AGMAT: variants seen among roughly 807,000 people sequenced by gnomAD.
AGMAT encodes the protein guanidino acid hydrolase, mitochondrial.
A neutral mutation model predicts 29.3 loss-of-function variants in AGMAT; 37 were observed. That is an observed-to-expected ratio of 1.26 (90% CI 0.97 to 1.66). The LOEUF (loss-of-function observed/expected upper bound fraction) is 1.66. AGMAT is among the 40% of genes most tolerant of loss of function. The pLI, the probability that AGMAT is intolerant of heterozygous loss-of-function variation, is 0.00. For synonymous variants in AGMAT, 199 were observed against 200.8 expected (o/e 0.99, Z 0.08); for missense variants, 498 against 497.8 (o/e 1.00, Z 0.00).
Position 15,584,861 on chromosome 1 carries a change from G to A in AGMAT, c.107C>T (p.Ala36Val). Residue 36 changes from alanine (A) to valine (V), a missense_variant, in exon 1 of 7, where the codon GCT becomes GTT. Coordinates refer to ENST00000375826, the MANE Select transcript of AGMAT (RefSeq NM_024758.5). ...FHPGRRQSRQASDAPRNQPPS... is the reference protein window; with the variant it reads ...FHPGRRQSRQVSDAPRNQPPS... ...GGGCTGGTTCCGGGGCGCGTCGGAA[G>A]CCTGGCGGCTCTGGCGGCGCCCCGG... is the stretch of plus-strand genomic sequence containing the variant. 7.0e-7 allele frequency: 1 copy of A among 1,418,582 alleles called. No individual in the cohort carries two copies. Among genetic ancestry groups the A allele is most frequent in the East Asian group, 2.9e-5 (1 of 34,404 alleles). The allele number at this position is 1,418,582 out of a possible 1,614,324, so 87.9% of individuals were successfully genotyped here. A position where few individuals can be genotyped will look rare whatever the true frequency, so the allele number is the denominator to read the frequency against.
Position 15,584,795 on chromosome 1 carries a change from G to A in AGMAT, c.173C>T (p.Ser58Phe). 7.1e-7 allele frequency: 1 copy of A among 1,398,780 alleles called. No individual in the cohort carries two copies. Among genetic ancestry groups the A allele is most frequent in the Non-Finnish European group, 9.3e-7 (1 of 1,078,456 alleles). 86.6% of individuals were successfully genotyped at this position (1,398,780 alleles called of 1,614,324 possible). The change falls in exon 1 of 7, where the codon TCC becomes TTC. Residue 58 changes from serine (S) to phenylalanine (F), a missense_variant. Ser to Phe is a radical substitution (Grantham distance 155, BLOSUM62 -2). Coordinates refer to ENST00000375826, the MANE Select transcript of AGMAT (RefSeq NM_024758.5). ...EFVARPVGVC[S>F]MMRLPVQTSP... ...GGTCTGCACCGGCAGGCGCATCATG[G>A]AGCAGACGCCCACCGGCCGGGCCAC...
At chr1:15,576,605 CT>C (rs1228810478) in intron 5 of AGMAT, among the ~76,000 whole-genome samples, 10 of 147,226 alleles carry the variant, frequency 6.8e-5, no homozygotes, top group South Asian at 6.5e-4. Flanking sequence ...GATTTTTGTA[CT>C]TTTAGTAGAG....
At position 15,583,400 on chromosome 1, in the gene AGMAT, A is replaced by G. The variant is rs6429758; in HGVS notation, c.273-5T>C. On this transcript the variant is annotated splice_polypyrimidine_tract_variant and splice_region_variant and intron_variant, in intron 1 of 6. Transcript: ENST00000375826. ...CGGATGCGGCGAGGTCCGAATCTGC[A>G]GAAGGAAGAATCATCCTGTCAGCCA... 0.56 allele frequency: 905,394 copies of G among 1,606,492 alleles called. 259,931 individuals are homozygous for G. The highest frequency in any genetic ancestry group is 0.79 in the African/African-American group (59,339 of 74,872).
intron 5 of AGMAT, chr1:15,575,763 T>TTATG (rs1639029813): frequency 6.8e-6 from 1 of 146,852 alleles, no homozygotes; most frequent in Non-Finnish European, 1.5e-5. Context: ...ATTTATTTAT[T>TTATG]TATTTATTTT....
chr1:15,576,972 G>A (rs889355906), intron 5 of AGMAT, among the ~76,000 whole-genome samples: 3 of 149,098 alleles, frequency 2.0e-5, no homozygotes, highest in Non-Finnish European at 3.0e-5. Context: ...AGATGGTCTC[G>A]ATCTCCTGAC....
chr1:15,585,044 G>A lies in AGMAT; in HGVS notation c.-77C>T. 7.9e-7 allele frequency: 1 copy of A among 1,259,198 alleles called. No homozygotes were observed. Among genetic ancestry groups the A allele is most frequent in the Non-Finnish European group, 1.0e-6 (1 of 1,003,340 alleles). 78.0% of individuals were successfully genotyped at this position (1,259,198 alleles called of 1,614,324 possible). On this transcript the variant is annotated 5_prime_UTR_variant, in exon 1 of 7. Coordinates refer to ENST00000375826, the MANE Select transcript of AGMAT (RefSeq NM_024758.5). ...GATCTGGCTGGTCCCGAACGGCGAG[G>A]CGAGTGTGCACGCGCCAGAGCCGGA...
chr1:15,576,649 C>T (rs1176448865), intron 5 of AGMAT, among the ~76,000 whole-genome samples: 4 of 148,178 alleles, frequency 2.7e-5, no homozygotes, highest in South Asian at 4.3e-4. Flanking sequence ...AGGCTGGTCT[C>T]GAACTCCTGA....
chr1:15,576,421 T>G lies in AGMAT; in HGVS notation c.900+1264A>C, dbSNP rs117063211. ...CGCCCGGCCAAGTTTAGTGTTTTTG[T>G]TTGGTTGGTTGGTTGGTTTTTTTTT... On this transcript the variant is annotated intron_variant, in intron 5 of 6. Coordinates refer to ENST00000375826, the MANE Select transcript of AGMAT (RefSeq NM_024758.5). Among the ~76,000 whole-genome samples, 1,287 of 149,836 alleles carry G rather than the reference T, an allele frequency of 8.6e-3. 89 individuals are homozygous for G. The East Asian group carries it at 0.18, about 21-fold the overall frequency.
intron 5 of AGMAT, 41 bp from the exon 6 acceptor site, chr1:15,574,882 T>C (rs1344545289): frequency 5.2e-6 from 8 of 1,546,268 alleles, no homozygotes; most frequent in Non-Finnish European, 7.1e-6. Context: ...GTGGTAATCA[T>C]TTACAGTGAA....
Position 15,580,080 on chromosome 1 carries a change from C to A in AGMAT, c.524+14G>T. 1 of 1,612,972 alleles carries A rather than the reference C, an allele frequency of 6.2e-7. No individual in the cohort carries two copies. Among genetic ancestry groups the A allele is most frequent in the Non-Finnish European group, 8.5e-7 (1 of 1,179,142 alleles). Reference sequence around the variant, plus strand: ...TTTTGAAATCTTGCTGGGCCCAAGCCATTTGAGACTTACTTTTTTGCCATC... The same window carrying A: ...TTTTGAAATCTTGCTGGGCCCAAGCAATTTGAGACTTACTTTTTTGCCATC... On this transcript the variant is annotated intron_variant, in intron 3 of 6. Transcript: ENST00000375826.
At chr1:15,584,340 C>CA (rs1000486626) in intron 1 of AGMAT, among the ~76,000 whole-genome samples, 4 of 150,126 alleles carry the variant, frequency 2.7e-5, no homozygotes, top group African/African-American at 9.9e-5. Flanking sequence ...TTTGTAGAGA[C>CA]AGAGTTTCAC....
At chr1:15,580,669 C>G (rs1259151138) in intron 2 of AGMAT, among the ~76,000 whole-genome samples, 5 of 150,894 alleles carry the variant, frequency 3.3e-5, no homozygotes, top group Non-Finnish European at 7.4e-5. Context: ...CAGAGTAAGA[C>G]ACTATCTCAA....
intron 2 of AGMAT, among the ~76,000 whole-genome samples, chr1:15,582,303 G>T (rs1051461762): frequency 5.9e-5 from 9 of 152,078 alleles, no homozygotes; most frequent in African/African-American, 2.2e-4. Context: ...TGCCATGCTT[G>T]ATGCTGGGCA....
chr1:15,580,201 C>CTTT (rs34166013), intron 2 of AGMAT, 59 bp from the exon 3 acceptor site: 8,530 of 563,210 alleles, frequency 0.015, 60 homozygotes, highest in African/African-American at 0.035. Context: ...ATAGAATAAT[C>CTTT]TTTTTTTTTT....
chr1:15,573,842 A>C (rs918143198), intron 6 of AGMAT, 118 bp from the exon 7 acceptor site: 32 of 873,896 alleles, frequency 3.7e-5, no homozygotes, highest in Middle Eastern at 3.4e-4. Flanking sequence ...TGTCTTGTGC[A>C]CCCCTCTAGG....
chr1:15,580,298 C>T (rs1164827357), intron 2 of AGMAT, among the ~76,000 whole-genome samples, 156 bp from the exon 3 acceptor site: 2 of 150,236 alleles, frequency 1.3e-5, no homozygotes, highest in Admixed American at 1.3e-4. Flanking sequence ...CTCTGCCTCC[C>T]AGGTTCAAGC....
Position 15,580,011 on chromosome 1 carries a change from C to G in AGMAT, c.524+83G>C, listed in dbSNP as rs530158951. 3,394 of 1,331,126 alleles carry G rather than the reference C, an allele frequency of 2.5e-3. 8 individuals carry two copies. The highest frequency in any genetic ancestry group is 3.5e-3 in the Non-Finnish European group (3,200 of 922,470). The allele number at this position is 1,331,126 out of a possible 1,614,324, so 82.5% of individuals were successfully genotyped here. A position where few individuals can be genotyped will look rare whatever the true frequency, so the allele number is the denominator to read the frequency against. Reference sequence around the variant, plus strand: ...CATAACCTGAGCCAGCAGCAGTCACCTAATGCCACCAAACAGCAAATAACT... The same window carrying G: ...CATAACCTGAGCCAGCAGCAGTCACGTAATGCCACCAAACAGCAAATAACT... On this transcript the variant is annotated intron_variant, in intron 3 of 6. Coordinates refer to ENST00000375826, the MANE Select transcript of AGMAT (RefSeq NM_024758.5).
At position 15,584,911 on chromosome 1, in the gene AGMAT, C is replaced by T. The variant is rs928482217; in HGVS notation, c.57G>A (p.Ala19=). Residue 19 remains alanine, a synonymous_variant, in exon 1 of 7, where the codon GCG becomes GCA. Transcript: ENST00000375826. ...CARGPGPGVG[A]RPAAGLFHPG... ...GATGAAAGAGCCCTGCGGCAGGACG[C>T]GCGCCCACGCCGGGCCCCGGGCCCC... The T allele has an allele frequency of 1.4e-6, 2 of 1,384,762 alleles. No individual in the cohort carries two copies. Among genetic ancestry groups the T allele is most frequent in the Non-Finnish European group, 1.9e-6 (2 of 1,077,594 alleles). The allele number at this position is 1,384,762 out of a possible 1,614,324, so 85.8% of individuals were successfully genotyped here. A position where few individuals can be genotyped will look rare whatever the true frequency, so the allele number is the denominator to read the frequency against.
chr1:15,580,483 G>A (rs1557597263), intron 2 of AGMAT, among the ~76,000 whole-genome samples: 1 of 151,840 alleles, frequency 6.6e-6, no homozygotes, highest in East Asian at 2.0e-4. Context: ...AGGATTACAG[G>A]CATGAGCCAC....
Sources: gnomAD v4.1 joint callset for allele counts (sites outside exome capture counted in the v4.1 genomes callset) on GRCh38, gnomAD v4.1.1 for gene constraint, MANE v1.5 for transcripts, NCBI Gene and HGNC (gene_info 2026-07-23, HGNC 2026-07-21) for gene names.